The following DLC1 variants were observed in gnomAD, a reference collection of about 807,000 sequenced individuals.
DLC1 encodes the protein DLC1 Rho GTPase activating protein.
Under a neutral mutation model 140.3 loss-of-function variants are expected in DLC1, and 54 were observed. The ratio of observed to expected loss-of-function variants is 0.38; its 90% CI spans 0.31 to 0.48. The LOEUF (loss-of-function observed/expected upper bound fraction) is 0.48. Among genes scored for constraint, DLC1 ranks in the 20% least tolerant of loss-of-function variants. The pLI is 0.96. For missense variants in DLC1, 2,536 were observed against 1,907.0 expected (o/e 1.33, Z -6.14); for synonymous variants, 986 against 728.1 (o/e 1.35, Z -5.70).
chr8:13,468,934 C>T (rs963884846), intron 2 of DLC1, among the ~76,000 whole-genome samples: 4 of 149,352 alleles, frequency 2.7e-5, no homozygotes, highest in African/African-American at 7.4e-5. Context: ...GATTCTCCTG[C>T]CTCAGCCTCC....
chr8:13,436,838 G>A (rs1302811252), intron 2 of DLC1, among the ~76,000 whole-genome samples: 1 of 151,990 alleles, frequency 6.6e-6, no homozygotes, highest in African/African-American at 2.4e-5. Context: ...TGACTACTGG[G>A]TGCTCACACA....
At chr8:13,519,687 T>C (rs182844931), upstream of DLC1, among the ~76,000 whole-genome samples, 2 of 152,312 alleles carry the variant, frequency 1.3e-5, no homozygotes, top group African/African-American at 4.8e-5. Context: ...ATTCCTGCTT[T>C]TTGGACTACT....
At chr8:13,374,820 T>G (rs1338678784) in intron 4 of DLC1, among the ~76,000 whole-genome samples, 1 of 152,168 alleles carries the variant, frequency 6.6e-6, no homozygotes, top group Non-Finnish European at 1.5e-5. Flanking sequence ...ATTCTTCCTA[T>G]CCATGAGCAT....
Position 13,489,008 on chromosome 8 carries a change from C to T in DLC1, c.1023+10041G>A, listed in dbSNP as rs142732110. ...TGTTGCCCAGGCTGGAGTGCAGTGG[C>T]GTGATCTTGGCTCACTGCAACCTCT... On this transcript the variant is annotated intron_variant, in intron 2 of 17. Coordinates refer to ENST00000276297, the MANE Select transcript of DLC1 (RefSeq NM_182643.3). 3.9e-3 allele frequency among the ~76,000 whole-genome samples: 600 copies of T among 152,122 alleles called. 2 individuals carry two copies. The highest frequency in any genetic ancestry group is 0.014 in the African/African-American group (572 of 41,524).
chr8:13,538,158 C>G (rs886738038), intron 1 of DLC1, among the ~76,000 whole-genome samples: 2 of 151,918 alleles, frequency 1.3e-5, no homozygotes, highest in African/African-American at 4.8e-5. Context: ...AGAAATAGGC[C>G]TTCTTAAATA....
intron 5 of DLC1, among the ~76,000 whole-genome samples, chr8:13,246,443 G>A (rs758623284): frequency 7.9e-5 from 12 of 152,128 alleles, no homozygotes; most frequent in Non-Finnish European, 1.6e-4. Context: ...AACATATAGA[G>A]TGGTTTTCTT....
Position 13,109,031 on chromosome 8 carries a change from G to T in DLC1, c.1502+1711C>A, listed in dbSNP as rs74934204. On this transcript the variant is annotated intron_variant, in intron 7 of 17. Transcript: ENST00000276297. ...CTACAAAAGTGACAGCGTTTCTGTG[G>T]TTAAGAGGACTGTTTGTTTTTTCCT... Among the ~76,000 whole-genome samples, 1,466 of 152,278 alleles carry T rather than the reference G, an allele frequency of 9.6e-3. 30 individuals carry two copies. The highest frequency in any genetic ancestry group is 0.034 in the African/African-American group (1,397 of 41,546).
intron 2 of DLC1, among the ~76,000 whole-genome samples, chr8:13,461,591 A>G (rs541634991): frequency 2.2e-4 from 34 of 152,332 alleles, no homozygotes; most frequent in African/African-American, 8.2e-4. Flanking sequence ...TTTCTGAGAT[A>G]TAAAATTATT....
intron 4 of DLC1, among the ~76,000 whole-genome samples, chr8:13,370,714 T>C (rs2117115340): frequency 6.6e-6 from 1 of 152,318 alleles, no homozygotes; most frequent in Middle Eastern, 3.4e-3. Flanking sequence ...CTGCTTTTCT[T>C]TTGGCTACGT....
rs749086138 is a variant in DLC1, at chr8:13,454,673, G to A, written c.1023+44376C>T. On this transcript the variant is annotated intron_variant, in intron 2 of 17. Coordinates refer to ENST00000276297, the MANE Select transcript of DLC1 (RefSeq NM_182643.3). ...GGGCTCAAGTGATCATCCTGCCTCA[G>A]CTGGCCAAGTAGCTGGAACTATAGG... Among the ~76,000 whole-genome samples the A allele has an allele frequency of 7.9e-5, 12 of 152,252 alleles. No individual in the cohort carries two copies. In the South Asian group the frequency reaches 8.3e-4, roughly 11 times the overall value.
intron 1 of DLC1, among the ~76,000 whole-genome samples, chr8:13,556,379 C>T (rs376176230): frequency 1.6e-4 from 24 of 152,256 alleles, no homozygotes; most frequent in Admixed American, 5.9e-4. Context: ...TTGATGTCTG[C>T]GTCTGACTTC....
intron 1 of DLC1, among the ~76,000 whole-genome samples, chr8:13,539,750 A>ATGTGTG (rs71207162): frequency 0.013 from 1,922 of 147,258 alleles, 25 homozygotes; most frequent in Admixed American, 0.015. Flanking sequence ...ATGTGTGTGT[A>ATGTGTG]TGTGTGTGTG....
At chr8:13,377,421 G>A (rs1466420286) in intron 4 of DLC1, among the ~76,000 whole-genome samples, 1 of 152,140 alleles carries the variant, frequency 6.6e-6, no homozygotes, top group African/African-American at 2.4e-5. Flanking sequence ...TGTCTGCTTT[G>A]TTGTAAGGAG....
chr8:13,437,454 A>G (rs1245268326), intron 2 of DLC1, among the ~76,000 whole-genome samples: 1 of 152,226 alleles, frequency 6.6e-6, no homozygotes, highest in Non-Finnish European at 1.5e-5. Flanking sequence ...ATAGAGTTCG[A>G]TCGTATGCAT....
chr8:13,488,761 T>G lies in DLC1; in HGVS notation c.1023+10288A>C, dbSNP rs185225386. On this transcript the variant is annotated intron_variant, in intron 2 of 17. Transcript: ENST00000276297. Reference sequence around the variant, plus strand: ...TAGTTCAAAACTTACCGAAGTTAATTACGCTTAATATGAAAGTTAGTTATT... The same window carrying G: ...TAGTTCAAAACTTACCGAAGTTAATGACGCTTAATATGAAAGTTAGTTATT... Among the ~76,000 whole-genome samples the G allele has an allele frequency of 1.8e-4, 27 of 152,336 alleles. No homozygotes were observed. The East Asian group carries it at 5.0e-3, about 28-fold the overall frequency.
chr8:13,286,529 T>C (rs1224455155), intron 5 of DLC1, among the ~76,000 whole-genome samples: 1 of 152,142 alleles, frequency 6.6e-6, no homozygotes, highest in Non-Finnish European at 1.5e-5. Flanking sequence ...GATGTTTCTA[T>C]TGTATCACAT....
chr8:13,316,335 C>T (rs1371835324), intron 4 of DLC1, among the ~76,000 whole-genome samples: 2 of 152,012 alleles, frequency 1.3e-5, no homozygotes, highest in African/African-American at 4.8e-5. Context: ...CTAGTATATA[C>T]AGAGTCATAG....
At chr8:13,090,751 C>G (rs78588747) in intron 14 of DLC1, among the ~76,000 whole-genome samples, 1 of 151,570 alleles carries the variant, frequency 6.6e-6, no homozygotes, top group Non-Finnish European at 1.5e-5. Context: ...TTCTCAGATA[C>G]GGAAGTGGAT....
chr8:13,555,061 T>C (rs1175328869), intron 1 of DLC1, among the ~76,000 whole-genome samples: 1 of 152,244 alleles, frequency 6.6e-6, no homozygotes. Flanking sequence ...TTGGCTGTTC[T>C]CTTAGTCTGT....
Sources: gnomAD v4.1 joint callset for allele counts (sites outside exome capture counted in the v4.1 genomes callset) on GRCh38, gnomAD v4.1.1 for gene constraint, MANE v1.5 for transcripts, NCBI Gene and HGNC (gene_info 2026-07-23, HGNC 2026-07-21) for gene names.